EPS8: variants seen among roughly 807,000 people sequenced by gnomAD.
EPS8 encodes the protein epidermal growth factor receptor kinase substrate 8.
Under a neutral mutation model 103.8 loss-of-function variants are expected in EPS8, and 42 were observed. The observed-to-expected ratio is 0.40, with a 90% confidence interval of 0.32 to 0.52. EPS8 has a LOEUF of 0.52. Among genes scored for constraint, EPS8 ranks in the 20% least tolerant of loss-of-function variants. The probability of loss-of-function intolerance (pLI) is 0.40; values close to 1 mark genes in which losing one functional copy is unlikely to be tolerated. For missense variants in EPS8, 969 were observed against 1,005.1 expected (o/e 0.96, Z 0.49); for synonymous variants, 344 against 344.6 (o/e 1.00, Z 0.02).
chr12:15,642,671 C>T (rs1945252910), intron 15 of EPS8, among the ~76,000 whole-genome samples: 4 of 152,176 alleles, frequency 2.6e-5, no homozygotes, highest in Admixed American at 2.6e-4. Flanking sequence ...CCTCCATTTA[C>T]ATTCCCACAT....
At chr12:15,636,623 G>A (rs7309152) in intron 17 of EPS8, among the ~76,000 whole-genome samples, 120,508 of 152,094 alleles carry the variant, frequency 0.79, 53,362 homozygotes, top group Non-Finnish European at 0.97. Context: ...CCCAGAAACT[G>A]CCATTATTTA....
At chr12:15,626,847 CT>C (rs1044879178) in intron 18 of EPS8, among the ~76,000 whole-genome samples, 3 of 152,062 alleles carry the variant, frequency 2.0e-5, no homozygotes, top group African/African-American at 7.2e-5. Context: ...GTCTGGAATG[CT>C]TTCCCCCGCA....
rs181725549 is a variant in EPS8, at chr12:15,654,307, C to G, written c.1102-14G>C. 4 of 1,609,806 alleles carry G rather than the reference C, an allele frequency of 2.5e-6. No homozygotes were observed. Among genetic ancestry groups the G allele is most frequent in the Non-Finnish European group, 3.4e-6 (4 of 1,178,442 alleles). ...TGCCTGCACCACCTAAGATAATAAA[C>G]CATTTTTTAGCAAGAAGATTACTAT... is the stretch of plus-strand genomic sequence containing the variant. On this transcript the variant is annotated splice_polypyrimidine_tract_variant and intron_variant, in intron 12 of 20. Transcript: ENST00000281172.
chr12:15,686,686 T>C (rs1476275971), intron 1 of EPS8, among the ~76,000 whole-genome samples: 1 of 152,182 alleles, frequency 6.6e-6, no homozygotes, highest in Non-Finnish European at 1.5e-5. Flanking sequence ...ATTAAATTTG[T>C]ATCAGAAGGT....
In EPS8 at chr12:15,714,514, C is replaced by T. The variant is rs1054354588; in HGVS notation, c.-21-31542G>A. Among the ~76,000 whole-genome samples, 2 of 152,092 alleles carry T rather than the reference C, an allele frequency of 1.3e-5. No homozygotes were observed. Among genetic ancestry groups the T allele is most frequent in the Non-Finnish European group, 2.9e-5 (2 of 68,020 alleles). ...GCAATCAGCCAAGCATGGTGGTACA[C>T]ACCAGCAGTCCTAGATGCTCATGAG... is the stretch of plus-strand genomic sequence containing the variant. On this transcript the variant is annotated intron_variant, in intron 1 of 20. Coordinates refer to ENST00000281172, the MANE Select transcript of EPS8 (RefSeq NM_004447.6). The surrounding 1 kb of genome is among the most constrained non-coding windows in gnomAD (Gnocchi z 4.1).
chr12:15,746,114 T>G (rs757769052), intron 1 of EPS8, among the ~76,000 whole-genome samples: 2 of 152,184 alleles, frequency 1.3e-5, no homozygotes, highest in Non-Finnish European at 2.9e-5. Context: ...AAACAAATGT[T>G]TCAGTCAGTG....
At chr12:15,766,327 A>C (rs1187428799) in intron 1 of EPS8, among the ~76,000 whole-genome samples, 1 of 151,454 alleles carries the variant, frequency 6.6e-6, no homozygotes, top group East Asian at 2.0e-4. Context: ...AAAAATACAA[A>C]AAAATACAAA....
intron 1 of EPS8, among the ~76,000 whole-genome samples, chr12:15,770,071 T>C (rs1467365338): frequency 6.6e-6 from 1 of 151,636 alleles, no homozygotes; most frequent in Non-Finnish European, 1.5e-5. Flanking sequence ...GCCTCTCAAG[T>C]AGCTGGGACT....
chr12:15,629,868 T>C (rs1303251537), intron 18 of EPS8, among the ~76,000 whole-genome samples: 2 of 152,192 alleles, frequency 1.3e-5, no homozygotes, highest in African/African-American at 2.4e-5. Flanking sequence ...GATGTGGCAA[T>C]AACTTACTGA....
Position 15,630,978 on chromosome 12 carries a change from G to T in EPS8, c.2044+464C>A, listed in dbSNP as rs1315440711. Among the ~76,000 whole-genome samples the T allele has an allele frequency of 3.9e-5, 6 of 152,302 alleles. No individual in the cohort carries two copies. The East Asian group carries it at 1.2e-3, about 29-fold the overall frequency. ...TATCAAATGTCCTCAGAAGGATGGA[G>T]AAGAAGACAAAATCGCTCCTGGCTG... On this transcript the variant is annotated intron_variant, in intron 18 of 20. Coordinates refer to ENST00000281172, the MANE Select transcript of EPS8 (RefSeq NM_004447.6).
At chr12:15,663,665 CT>C (rs1555112084) in intron 8 of EPS8, among the ~76,000 whole-genome samples, 21 of 151,906 alleles carry the variant, frequency 1.4e-4, no homozygotes, top group Non-Finnish European at 2.9e-5. Flanking sequence ...TGGCTCACGC[CT>C]GTAATTCCAG....
intron 2 of EPS8, among the ~76,000 whole-genome samples, chr12:15,681,518 G>T (rs763354994): frequency 2.6e-5 from 4 of 151,660 alleles, no homozygotes; most frequent in Non-Finnish European, 4.4e-5. Flanking sequence ...ATCACCTGAG[G>T]TCAGGAGTTC....
chr12:15,680,939 T>C (rs1283847334), intron 3 of EPS8, among the ~76,000 whole-genome samples: 3 of 152,070 alleles, frequency 2.0e-5, no homozygotes, highest in Non-Finnish European at 4.4e-5. Flanking sequence ...CAAACATTAT[T>C]ACAAGTAGTA....
chr12:15,639,784 C>T (rs919961207), intron 17 of EPS8, among the ~76,000 whole-genome samples: 1 of 152,144 alleles, frequency 6.6e-6, no homozygotes, highest in Admixed American at 6.6e-5. Flanking sequence ...CTAGATCTGG[C>T]ATAAAAATTA....
chr12:15,633,839 T>C (rs1453048576), intron 17 of EPS8, among the ~76,000 whole-genome samples: 1 of 152,144 alleles, frequency 6.6e-6, no homozygotes, highest in Admixed American at 6.5e-5. Flanking sequence ...AGCTCTTCCA[T>C]GGAAACTGGT....
intron 1 of EPS8, among the ~76,000 whole-genome samples, chr12:15,687,982 T>A (rs561811760): frequency 6.6e-6 from 1 of 152,360 alleles, no homozygotes; most frequent in East Asian, 1.9e-4. Flanking sequence ...TTGAAGGAAG[T>A]ACTATTCTTC....
intron 10 of EPS8, among the ~76,000 whole-genome samples, chr12:15,659,648 C>G (rs546457552): frequency 6.6e-6 from 1 of 152,264 alleles, no homozygotes; most frequent in African/African-American, 2.4e-5. Context: ...GCTCATTATA[C>G]AAATATGTGC....
rs370184035 is a variant in EPS8 at position 15,734,550 on chromosome 12, C to T, written c.-21-51578G>A. On this transcript the variant is annotated intron_variant, in intron 1 of 20. Coordinates refer to ENST00000281172, the MANE Select transcript of EPS8 (RefSeq NM_004447.6). The surrounding 1 kb of genome is among the most constrained non-coding windows in gnomAD (Gnocchi z 4.1). Reference sequence around the variant, plus strand: ...TCTACTAAAAATACAAAGAATTAGCCGGGCATGGTGGTGGGCGCCTGTGGT... The same window carrying T: ...TCTACTAAAAATACAAAGAATTAGCTGGGCATGGTGGTGGGCGCCTGTGGT... Among the ~76,000 whole-genome samples, 2 of 151,894 alleles carry T rather than the reference C, an allele frequency of 1.3e-5. No individual in the cohort carries two copies. The highest frequency in any genetic ancestry group is 2.4e-5 in the African/African-American group (1 of 41,354).
rs996190194 is a variant in EPS8, at chr12:15,727,485, A to G, written c.-21-44513T>C. 1.3e-5 allele frequency among the ~76,000 whole-genome samples: 2 copies of G among 152,216 alleles called. No homozygotes were observed. Among genetic ancestry groups the G allele is most frequent in the African/African-American group, 4.8e-5 (2 of 41,458 alleles). Reference sequence around the variant, plus strand: ...CTTTAATGTTGGTAGATACTAATAAATTTAACTTAAGACAACTGACCCATT... The same window carrying G: ...CTTTAATGTTGGTAGATACTAATAAGTTTAACTTAAGACAACTGACCCATT... On this transcript the variant is annotated intron_variant, in intron 1 of 20. Coordinates refer to ENST00000281172, the MANE Select transcript of EPS8 (RefSeq NM_004447.6). This position sits in a 1 kb window ranked among gnomAD's most constrained non-coding sequence, Gnocchi z 4.3.
Sources: allele counts gnomAD v4.1 joint callset (sites outside exome capture counted in the v4.1 genomes callset), GRCh38; gene constraint gnomAD v4.1.1; non-coding constraint Gnocchi (gnomAD v3.1); transcripts MANE v1.5; gene names NCBI Gene and HGNC (gene_info 2026-07-23, HGNC 2026-07-21).